Variants in KCNIP1 observed in about 807,000 individuals in gnomAD.
KCNIP1 encodes the protein A-type potassium channel modulatory protein KCNIP1.
A neutral mutation model predicts 33.0 loss-of-function variants in KCNIP1; 18 were observed. The observed-to-expected ratio is 0.55, with a 90% CI of 0.38 to 0.81. The LOEUF (loss-of-function observed/expected upper bound fraction) is 0.81, where lower values mean the gene tolerates loss of function less well. KCNIP1 is among the 30% of genes least tolerant of loss of function. The pLI is 0.00. For missense variants in KCNIP1, 238 were observed against 271.6 expected, an observed-to-expected ratio of 0.88 and a Z score of 0.87; for synonymous variants, 93 against 98.3, an observed-to-expected ratio of 0.95 and a Z score of 0.32.
intron 1 of KCNIP1, chr5:170,377,037 A>C (rs1347369839): frequency 2.6e-5 from 4 of 152,252 alleles, no homozygotes; most frequent in Non-Finnish European, 4.4e-5. Flanking sequence ...AATCGGGCAG[A>C]GTAGAGACAG....
intron 1 of KCNIP1, among the ~76,000 whole-genome samples, chr5:170,572,584 G>A (rs1478091231): frequency 6.6e-6 from 1 of 152,194 alleles, no homozygotes; most frequent in Admixed American, 6.5e-5. Context: ...TTTCCTCTCT[G>A]CCATAGGATC....
At chr5:170,613,494 A>ATAATAAAG (rs1759255394) in intron 1 of KCNIP1, among the ~76,000 whole-genome samples, 1 of 152,166 alleles carries the variant, frequency 6.6e-6, no homozygotes, top group Non-Finnish European at 1.5e-5. Context: ...AGGCATGAAA[A>ATAATAAAG]TAATAAAGTG....
Position 170,624,787 on chromosome 5 carries a change from A to C in KCNIP1, c.62-93971A>C, listed in dbSNP as rs558653446. Among the ~76,000 whole-genome samples, 8 of 147,106 alleles carry C rather than the reference A, an allele frequency of 5.4e-5. No individual in the cohort carries two copies. In the East Asian group the frequency reaches 1.7e-3, roughly 31 times the overall value. On this transcript the variant is annotated intron_variant, in intron 1 of 7. Coordinates refer to ENST00000328939, the MANE Select transcript of KCNIP1 (RefSeq NM_014592.4). Reference sequence around the variant, plus strand: ...GAGGGGAGTGGGGGAGAAGGGGAGAAAAGCGCAGCTGGCTTCCTCACTCTC... The same window carrying C: ...GAGGGGAGTGGGGGAGAAGGGGAGACAAGCGCAGCTGGCTTCCTCACTCTC...
chr5:170,627,416 T>G (rs548939699), intron 1 of KCNIP1, among the ~76,000 whole-genome samples: 1 of 152,224 alleles, frequency 6.6e-6, no homozygotes, highest in Non-Finnish European at 1.5e-5. Context: ...ACCCCACACC[T>G]GCCAATGCCG....
intron 1 of KCNIP1, among the ~76,000 whole-genome samples, chr5:170,614,671 C>T (rs1384666975): frequency 6.6e-6 from 1 of 152,178 alleles, no homozygotes; most frequent in South Asian, 2.1e-4. Context: ...GCAATCAGCC[C>T]TATCAGATTT....
rs148205042 is a variant in KCNIP1, at chr5:170,606,677, C to T, written c.61+102044C>T. Among the ~76,000 whole-genome samples, 849 of 152,204 alleles carry T rather than the reference C, an allele frequency of 5.6e-3. 6 individuals are homozygous for T. The highest frequency in any genetic ancestry group is 0.044 in the Middle Eastern group (13 of 294). On this transcript the variant is annotated intron_variant, in intron 1 of 7. Transcript: ENST00000328939. ...GTGAGACCTGTCTAGTGCACATGTG[C>T]GACCTCATCCGATCCTCATAGTAAC...
rs1367507707 is a variant in KCNIP1, at chr5:170,462,214, T to C, written c.88+108250T>C. On this transcript the variant is annotated intron_variant, in intron 1 of 7. Coordinates refer to the KCNIP1 transcript ENST00000377360. ...GGAGAAAATCTTCACAATCTATACA[T>C]CTGACCAAGGACTAATATCCAGAAT... 6.6e-5 allele frequency among the ~76,000 whole-genome samples: 9 copies of C among 136,026 alleles called. No individual in the cohort carries two copies. In the East Asian group the frequency reaches 1.9e-3, roughly 28 times the overall value. 89.2% of individuals were successfully genotyped at this position (136,026 alleles called of 152,430 possible). A position where few individuals can be genotyped will look rare whatever the true frequency, so the allele number is the denominator to read the frequency against.
chr5:170,725,537 TG>T (rs2113882609), intron 5 of KCNIP1, among the ~76,000 whole-genome samples: 2 of 152,044 alleles, frequency 1.3e-5, no homozygotes, highest in African/African-American at 4.8e-5. Flanking sequence ...AGGGGGGCTG[TG>T]GGGGAAGTTA....
chr5:170,458,177 G>C (rs767603190), intron 1 of KCNIP1, among the ~76,000 whole-genome samples: 1 of 152,122 alleles, frequency 6.6e-6, no homozygotes, highest in Non-Finnish European at 1.5e-5. Flanking sequence ...TATGAACAAA[G>C]CCTCCAATAA....
Position 170,489,895 on chromosome 5 carries a change from G to A in KCNIP1, c.88+135931G>A, listed in dbSNP as rs2113197340. Among the ~76,000 whole-genome samples the A allele has an allele frequency of 1.3e-5, 2 of 152,286 alleles. No individual in the cohort carries two copies. The highest frequency in any genetic ancestry group is 1.3e-4 in the Admixed American group (2 of 15,302). On this transcript the variant is annotated intron_variant, in intron 1 of 7. Coordinates refer to the KCNIP1 transcript ENST00000377360. This position sits in a 1 kb window ranked among gnomAD's most constrained non-coding sequence, Gnocchi z 4.3. ...CCTCCAACTGCCCCAAGCCCCACAT[G>A]CCTGCAGGCGGCCCTGGGATATCTG... is the stretch of plus-strand genomic sequence containing the variant.
At chr5:170,626,456 G>T (rs938137567) in intron 1 of KCNIP1, among the ~76,000 whole-genome samples, 9 of 152,316 alleles carry the variant, frequency 5.9e-5, no homozygotes, top group Admixed American at 5.9e-4. Context: ...AGGTGTCACT[G>T]CTCCAGCCAG....
intron 1 of KCNIP1, among the ~76,000 whole-genome samples, chr5:170,518,236 T>A (rs1309133501): frequency 1.3e-5 from 2 of 152,096 alleles, no homozygotes; most frequent in African/African-American, 4.8e-5. Context: ...ACAGCACTGG[T>A]GAATTTAAGG....
intron 1 of KCNIP1, among the ~76,000 whole-genome samples, chr5:170,627,514 C>T (rs1183486398): frequency 1.3e-5 from 2 of 152,216 alleles, no homozygotes; most frequent in East Asian, 1.9e-4. Context: ...AAGGACAGGG[C>T]CAGTCCCAAG....
intron 1 of KCNIP1, among the ~76,000 whole-genome samples, chr5:170,543,941 G>A (rs1156373430): frequency 6.6e-6 from 1 of 152,132 alleles, no homozygotes; most frequent in African/African-American, 2.4e-5. Flanking sequence ...AATAGATCTA[G>A]GTTAAATGAG....
chr5:170,405,531 G>A (rs1755013316), intron 1 of KCNIP1, among the ~76,000 whole-genome samples: 1 of 152,182 alleles, frequency 6.6e-6, no homozygotes, highest in Non-Finnish European at 1.5e-5. Context: ...GCAGCAGCCT[G>A]GACTCAGGCA....
At chr5:170,564,931 T>C (rs1025910900) in intron 1 of KCNIP1, among the ~76,000 whole-genome samples, 8 of 152,110 alleles carry the variant, frequency 5.3e-5, no homozygotes, top group Non-Finnish European at 1.5e-5. Context: ...AGAGATTTGT[T>C]TCTGACTTAG....
intron 5 of KCNIP1, among the ~76,000 whole-genome samples, chr5:170,724,467 G>T (rs749238609): frequency 2.0e-5 from 3 of 152,036 alleles, no homozygotes; most frequent in African/African-American, 7.3e-5. Context: ...GGCAAGGTTG[G>T]TTTAACATTC....
At chr5:170,582,614 G>C (rs1757838055) in intron 1 of KCNIP1, among the ~76,000 whole-genome samples, 1 of 152,136 alleles carries the variant, frequency 6.6e-6, no homozygotes, top group African/African-American at 2.4e-5. Context: ...CAGATTTTTG[G>C]AGTCTCTTAT....
Position 170,614,531 on chromosome 5 carries a change from A to G in KCNIP1, c.62-104227A>G, listed in dbSNP as rs141829717. Among the ~76,000 whole-genome samples, 361 of 152,368 alleles carry G rather than the reference A, an allele frequency of 2.4e-3. 3 individuals are homozygous for G. The highest frequency in any genetic ancestry group is 8.1e-3 in the African/African-American group (339 of 41,596). On this transcript the variant is annotated intron_variant, in intron 1 of 7. Coordinates refer to ENST00000328939, the MANE Select transcript of KCNIP1 (RefSeq NM_014592.4). ...TACCAGAAATATATTCTCTGTTTACATACTTTATGCAAAATCTGTTTTTTA... is the reference window on the plus strand; with the variant it reads ...TACCAGAAATATATTCTCTGTTTACGTACTTTATGCAAAATCTGTTTTTTA...
Sources: gnomAD v4.1 joint callset for allele counts (sites outside exome capture counted in the v4.1 genomes callset) on GRCh38, gnomAD v4.1.1 for gene constraint, Gnocchi (gnomAD v3.1) non-coding constraint, MANE v1.5 for transcripts, NCBI Gene and HGNC (gene_info 2026-07-23, HGNC 2026-07-21) for gene names.